The following KCTD8 variants were observed in gnomAD, a reference collection of about 807,000 sequenced individuals.
The protein encoded by KCTD8 is potassium channel tetramerization domain containing 8.
KCTD8 carries 27 observed loss-of-function variants against 31.5 expected under a neutral mutation model. The observed-to-expected ratio is 0.86, with a 90% CI of 0.63 to 1.18. KCTD8 has a LOEUF of 1.18. KCTD8 is among the 50% of genes most tolerant of loss of function. The pLI is 0.00. For missense variants in KCTD8, 658 were observed against 647.7 expected (o/e 1.02, Z -0.17); for synonymous variants, 290 against 280.0 (o/e 1.04, Z -0.36).
At chr4:44,367,616 T>C (rs761828064) in intron 1 of KCTD8, among the ~76,000 whole-genome samples, 36 of 152,140 alleles carry the variant, frequency 2.4e-4, no homozygotes, top group Non-Finnish European at 4.4e-4. Flanking sequence ...TTAGAATTAA[T>C]GCCATTATTG....
intron 1 of KCTD8, among the ~76,000 whole-genome samples, chr4:44,218,995 A>G (rs1226956510): frequency 6.6e-6 from 1 of 152,186 alleles, no homozygotes; most frequent in Non-Finnish European, 1.5e-5. Context: ...AAAGCATGGC[A>G]CCATCCTTTC....
At chr4:44,402,623 C>T (rs1403368223) in intron 1 of KCTD8, among the ~76,000 whole-genome samples, 1 of 151,910 alleles carries the variant, frequency 6.6e-6, no homozygotes, top group East Asian at 1.9e-4. Context: ...CTGGGGGGGC[C>T]CTAGAAATGT....
chr4:44,371,276 T>C (rs1480791491), intron 1 of KCTD8, among the ~76,000 whole-genome samples: 1 of 152,156 alleles, frequency 6.6e-6, no homozygotes, highest in Non-Finnish European at 1.5e-5. Flanking sequence ...CAAATGCTAA[T>C]CTCTTATATT....
intron 1 of KCTD8, among the ~76,000 whole-genome samples, chr4:44,393,138 T>C (rs925345832): frequency 6.6e-6 from 1 of 151,978 alleles, no homozygotes; most frequent in Non-Finnish European, 1.5e-5. Flanking sequence ...TCAGCATTGA[T>C]TGTAGAGAGA....
At chr4:44,427,583 T>C (rs1345664339) in intron 1 of KCTD8, among the ~76,000 whole-genome samples, 2 of 151,626 alleles carry the variant, frequency 1.3e-5, no homozygotes, top group African/African-American at 2.4e-5. Context: ...AATAACCATC[T>C]ACAGAATATA....
chr4:44,182,961 G>A (rs180718231), intron 1 of KCTD8, among the ~76,000 whole-genome samples: 69 of 152,166 alleles, frequency 4.5e-4, no homozygotes, highest in Admixed American at 1.0e-3. Flanking sequence ...TATAAATGCC[G>A]AAAAATGTTA....
chr4:44,371,197 G>A (rs1251700927), intron 1 of KCTD8, among the ~76,000 whole-genome samples: 1 of 152,146 alleles, frequency 6.6e-6, no homozygotes, highest in Non-Finnish European at 1.5e-5. Context: ...TTGTAATCAT[G>A]CAGTCAATGG....
At chr4:44,346,914 A>T (rs1235387080) in intron 1 of KCTD8, among the ~76,000 whole-genome samples, 3 of 152,216 alleles carry the variant, frequency 2.0e-5, no homozygotes, top group African/African-American at 4.8e-5. Flanking sequence ...AAAGACTACT[A>T]AGACCTGAGT....
chr4:44,236,948 C>T (rs2109355317), intron 1 of KCTD8, among the ~76,000 whole-genome samples: 1 of 152,236 alleles, frequency 6.6e-6, no homozygotes, highest in East Asian at 1.9e-4. Flanking sequence ...CTTTTGTCTG[C>T]CACCACGTAA....
At chr4:44,249,093 G>C (rs1437927955) in intron 1 of KCTD8, among the ~76,000 whole-genome samples, 8 of 151,648 alleles carry the variant, frequency 5.3e-5, no homozygotes, top group Non-Finnish European at 5.9e-5. Context: ...AGTAAACGAA[G>C]AAGGTTTAAT....
chr4:44,269,836 A>G (rs1490801186), intron 1 of KCTD8, among the ~76,000 whole-genome samples: 2 of 152,166 alleles, frequency 1.3e-5, no homozygotes, highest in South Asian at 2.1e-4. Flanking sequence ...CAAAACCACA[A>G]TGAGATACCA....
intron 1 of KCTD8, among the ~76,000 whole-genome samples, chr4:44,358,501 A>G (rs1577634836): frequency 6.7e-6 from 1 of 150,200 alleles, no homozygotes; most frequent in Non-Finnish European, 1.5e-5. Context: ...ACTAATTTAC[A>G]CTCCCACCAA....
intron 1 of KCTD8, among the ~76,000 whole-genome samples, chr4:44,280,373 A>G (rs1349013865): frequency 6.6e-6 from 1 of 152,048 alleles, no homozygotes. Context: ...GTTTTAGAGT[A>G]ATTGGTATTA....
chr4:44,327,158 C>T (rs958908821), intron 1 of KCTD8, among the ~76,000 whole-genome samples: 1 of 151,858 alleles, frequency 6.6e-6, no homozygotes, highest in Non-Finnish European at 1.5e-5. Flanking sequence ...AGACATTCTT[C>T]TTTTTATAGC....
At chr4:44,410,093 T>A (rs1299537448) in intron 1 of KCTD8, among the ~76,000 whole-genome samples, 1 of 152,168 alleles carries the variant, frequency 6.6e-6, no homozygotes, top group East Asian at 1.9e-4. Context: ...CACAATTCCC[T>A]CCCTTGTTAT....
chr4:44,300,183 T>A (rs1156741686), intron 1 of KCTD8, among the ~76,000 whole-genome samples: 1 of 152,192 alleles, frequency 6.6e-6, no homozygotes, highest in Non-Finnish European at 1.5e-5. Flanking sequence ...GTCTACACAC[T>A]TATGAGTAAA....
intron 1 of KCTD8, among the ~76,000 whole-genome samples, chr4:44,385,073 C>G (rs369606599): frequency 9.6e-4 from 145 of 151,146 alleles, no homozygotes; most frequent in African/African-American, 3.3e-3. Context: ...AGAAGAAGAA[C>G]AACAAAAAAA....
intron 1 of KCTD8, among the ~76,000 whole-genome samples, chr4:44,317,534 C>T (rs1026014861): frequency 3.5e-5 from 5 of 141,040 alleles, no homozygotes; most frequent in South Asian, 2.1e-4. Context: ...CCACCGCGCC[C>T]GGCCCGGGTG....
At chr4:44,304,283 A>T (rs1717732776) in intron 1 of KCTD8, among the ~76,000 whole-genome samples, 2 of 152,140 alleles carry the variant, frequency 1.3e-5, no homozygotes, top group Admixed American at 6.6e-5. Context: ...GACATGTCTG[A>T]CTCAGAGAAC....
Sources: allele counts gnomAD v4.1 joint callset (sites outside exome capture counted in the v4.1 genomes callset), GRCh38; gene constraint gnomAD v4.1.1; transcripts MANE v1.5; gene names NCBI Gene and HGNC (gene_info 2026-07-23, HGNC 2026-07-21).